GPHN: variants seen among roughly 807,000 people sequenced by gnomAD.
GPHN encodes gephyrin.
A neutral mutation model predicts 95.5 loss-of-function variants in GPHN; 17 were observed. That is an observed-to-expected ratio of 0.18 (90% CI 0.12 to 0.27). The LOEUF (loss-of-function observed/expected upper bound fraction) is 0.27. Among genes scored for constraint, GPHN ranks in the 10% least tolerant of loss-of-function variants. The pLI is 1.00. For synonymous variants in GPHN, 320 were observed against 322.5 expected (o/e 0.99, Z 0.08); for missense variants, 660 against 978.1 (o/e 0.67, Z 4.34).
rs2064186126 is a variant in GPHN at position 66,637,888 on chromosome 14, A to ACTTTTGAGTTTCTGTTTTT, written c.65-43218_65-43200dup. 2.6e-5 allele frequency among the ~76,000 whole-genome samples: 4 copies of ACTTTTGAGTTTCTGTTTTT among 152,144 alleles called. No homozygotes were observed. In the South Asian group the frequency reaches 8.3e-4, roughly 32 times the overall value. ...ACCAAGGTCCATTGGATTCTGTTTT[A>ACTTTTGAGTTTCTGTTTTT]CTTTTGAGTTTCTGTTTTTGAGCAA... On this transcript the variant is annotated intron_variant, in intron 1 of 22. Transcript: ENST00000478722.
the GPHN span, among the ~76,000 whole-genome samples, chr14:67,222,604 T>A: frequency 6.6e-6 from 1 of 152,142 alleles, no homozygotes; most frequent in Admixed American, 6.5e-5. Context: ...TATTTGGCAG[T>A]GGGGAGTGAT....
chr14:67,422,826 C>CTT, the GPHN span, among the ~76,000 whole-genome samples: 496 of 115,744 alleles, frequency 4.3e-3, 6 homozygotes, highest in East Asian at 0.036. Flanking sequence ...CTTTCCCCAT[C>CTT]TTTTTTTTTT....
chr14:66,849,582 G>A (rs531553990), intron 4 of GPHN, among the ~76,000 whole-genome samples: 1 of 151,978 alleles, frequency 6.6e-6, no homozygotes, highest in East Asian at 1.9e-4. Flanking sequence ...TTGGCATATT[G>A]TAGAATATTA....
chr14:66,607,017 C>G (rs2062566294), intron 1 of GPHN, among the ~76,000 whole-genome samples: 1 of 152,100 alleles, frequency 6.6e-6, no homozygotes, highest in Non-Finnish European at 1.5e-5. Flanking sequence ...TTGTCTCATT[C>G]TAGTTCTCAA....
At chr14:66,720,233 G>C (rs1333540010) in intron 2 of GPHN, among the ~76,000 whole-genome samples, 1 of 152,102 alleles carries the variant, frequency 6.6e-6, no homozygotes, top group African/African-American at 2.4e-5. Flanking sequence ...TAAAAATAAA[G>C]AGTAAAGGAA....
chr14:66,773,739 T>A (rs1156852238), intron 2 of GPHN, among the ~76,000 whole-genome samples: 1 of 152,180 alleles, frequency 6.6e-6, no homozygotes, highest in African/African-American at 2.4e-5. Context: ...AGAGTTCTTT[T>A]TTTTGTTTGT....
intron 1 of GPHN, among the ~76,000 whole-genome samples, chr14:66,552,365 G>A (rs2140186616): frequency 6.6e-6 from 1 of 152,256 alleles, no homozygotes; most frequent in South Asian, 2.1e-4. Context: ...CCCCTAGTGT[G>A]ATTTTTAAAT....
At chr14:67,237,597 C>T in the GPHN span, among the ~76,000 whole-genome samples, 4 of 151,958 alleles carry the variant, frequency 2.6e-5, no homozygotes, top group East Asian at 7.7e-4. Context: ...AGATGACAGG[C>T]ACATGCCACC....
At chr14:67,027,847 C>T (rs1271437639) in intron 10 of GPHN, among the ~76,000 whole-genome samples, 3 of 152,098 alleles carry the variant, frequency 2.0e-5, no homozygotes, top group African/African-American at 7.2e-5. Context: ...GGATATCCAT[C>T]ACCTCTTGAG....
intron 2 of GPHN, among the ~76,000 whole-genome samples, chr14:66,727,989 G>A (rs1031255647): frequency 4.6e-5 from 7 of 152,132 alleles, no homozygotes; most frequent in Admixed American, 2.0e-4. Context: ...CACGGGCTAG[G>A]CCCATGGTCC....
chr14:66,650,765 T>C (rs762061770), intron 1 of GPHN, among the ~76,000 whole-genome samples: 1 of 152,154 alleles, frequency 6.6e-6, no homozygotes, highest in Non-Finnish European at 1.5e-5. Flanking sequence ...CTTTGAATGA[T>C]TACATATCAG....
At chr14:67,013,779 GT>G (rs1229742964) in intron 9 of GPHN, among the ~76,000 whole-genome samples, 1 of 151,294 alleles carries the variant, frequency 6.6e-6, no homozygotes, top group Non-Finnish European at 1.5e-5. Flanking sequence ...AAGCATTAGG[GT>G]TTTTTTAATG....
At chr14:67,258,968 G>A in the GPHN span, among the ~76,000 whole-genome samples, 4 of 151,508 alleles carry the variant, frequency 2.6e-5, no homozygotes, top group East Asian at 3.9e-4. Flanking sequence ...TCACCCTCCC[G>A]AGTAGCTGGG....
the GPHN span, chr14:67,376,669 TATAAA>T: frequency 6.8e-7 from 1 of 1,464,892 alleles, no homozygotes; most frequent in South Asian, 1.3e-5. Context: ...AGCATCCATG[TATAAA>T]ATACTTGCCA....
intron 1 of GPHN, among the ~76,000 whole-genome samples, chr14:66,573,015 G>T (rs2060758392): frequency 6.6e-6 from 1 of 152,130 alleles, no homozygotes; most frequent in Admixed American, 6.5e-5. Context: ...TTTCCACATA[G>T]TTGTGGTTTC....
intron 17 of GPHN, among the ~76,000 whole-genome samples, chr14:67,130,527 C>A (rs2079637393): frequency 6.6e-6 from 1 of 152,050 alleles, no homozygotes; most frequent in Non-Finnish European, 1.5e-5. Flanking sequence ...CATTGAAGAG[C>A]ATTCTATGTC....
At chr14:66,559,416 TTAA>T (rs1382225614) in intron 1 of GPHN, among the ~76,000 whole-genome samples, 1 of 133,992 alleles carries the variant, frequency 7.5e-6, no homozygotes, top group Non-Finnish European at 1.6e-5. Context: ...TCCTGACTTT[TTAA>T]TGATTGCCAT....
chr14:67,690,183 G>A, the GPHN span: 1 of 1,592,466 alleles, frequency 6.3e-7, no homozygotes, highest in Non-Finnish European at 8.6e-7. Flanking sequence ...TCTGACTCAT[G>A]TCTCCACATT....
the GPHN span, among the ~76,000 whole-genome samples, chr14:67,694,483 C>CATATATATATATATATATAT: frequency 8.8e-5 from 13 of 148,004 alleles, no homozygotes; most frequent in African/African-American, 3.3e-4. Context: ...TATATACACA[C>CATATATATATATATATATAT]ACACACATAT....
Sources: allele counts gnomAD v4.1 joint callset (sites outside exome capture counted in the v4.1 genomes callset), GRCh38; gene constraint gnomAD v4.1.1; transcripts MANE v1.5; gene names NCBI Gene and HGNC (gene_info 2026-07-23, HGNC 2026-07-21).